Variants in TTC3 observed in about 807,000 individuals in gnomAD.
TTC3 encodes the protein E3 ubiquitin-protein ligase TTC3.
In TTC3, 180 loss-of-function variants were observed where a neutral mutation model predicts 249.6. That is an observed-to-expected ratio of 0.72 (90% CI 0.64 to 0.82). TTC3 has a LOEUF of 0.82. Ranked by LOEUF, TTC3 falls within the 40% of genes least tolerant of loss-of-function variation. The pLI, the probability that TTC3 is intolerant of heterozygous loss-of-function variation, is 0.00. For missense variants in TTC3, 2,061 were observed against 2,398.4 expected (o/e 0.86, Z 2.94); for synonymous variants, 717 against 805.0 (o/e 0.89, Z 1.85).
At chr21:37,139,212 A>G (rs2078214571) in intron 19 of TTC3, among the ~76,000 whole-genome samples, 1 of 152,090 alleles carries the variant, frequency 6.6e-6, no homozygotes, top group African/African-American at 2.4e-5. Flanking sequence ...TCCTAGAAAA[A>G]CAAAGGTAAC....
At chr21:37,151,020 G>T in intron 25 of TTC3, 136 bp downstream of exon 25, 1 of 547,000 alleles carries the variant, frequency 1.8e-6, no homozygotes, top group Non-Finnish European at 3.1e-6. Context: ...TTTTTAAAAT[G>T]ATTTTTATGG....
intron 1 of TTC3, chr21:37,082,715 T>G (rs34672903): frequency 0.21 from 155,484 of 737,652 alleles, 12,489 homozygotes; most frequent in African/African-American, 0.35. Context: ...CCAAAAAGTG[T>G]TTTTTTTTTT....
chr21:37,117,850 A>AG (rs1200083688), intron 11 of TTC3, among the ~76,000 whole-genome samples: 7 of 149,880 alleles, frequency 4.7e-5, no homozygotes, highest in African/African-American at 7.5e-5. Context: ...AAAAAAAAAA[A>AG]AAAGAAAAAA....
intron 42 of TTC3, among the ~76,000 whole-genome samples, chr21:37,197,043 G>A (rs2084988626): frequency 6.6e-6 from 1 of 152,226 alleles, no homozygotes; most frequent in African/African-American, 2.4e-5. Context: ...TGTCTCTGAA[G>A]TGCAGCTCGG....
intron 35 of TTC3, among the ~76,000 whole-genome samples, chr21:37,179,514 G>C (rs774294187): frequency 6.6e-6 from 1 of 152,112 alleles, no homozygotes; most frequent in African/African-American, 2.4e-5. Flanking sequence ...TGTGCCTTTG[G>C]TGTCATAGCT....
intron 5 of TTC3, 86 bp from the exon 6 acceptor site, chr21:37,090,147 C>A: frequency 1.0e-6 from 1 of 955,982 alleles, no homozygotes; most frequent in South Asian, 1.5e-5. Context: ...TAGTAGTGTT[C>A]CTAAAATGTA....
At chr21:37,158,881 C>T (rs942097231) in intron 28 of TTC3, among the ~76,000 whole-genome samples, 1 of 152,144 alleles carries the variant, frequency 6.6e-6, no homozygotes, top group Non-Finnish European at 1.5e-5. Context: ...GAGGCCAAGA[C>T]CTTAGTTGTC....
At chr21:37,171,755 A>T (rs182367032) in intron 34 of TTC3, among the ~76,000 whole-genome samples, 115 of 152,350 alleles carry the variant, frequency 7.5e-4, no homozygotes, top group African/African-American at 2.7e-3. Context: ...AAGGGCATGT[A>T]TGGTCAATCT....
At chr21:37,185,588 A>T (rs1025014124) in intron 36 of TTC3, 118 bp from the exon 37 acceptor site, 5 of 491,032 alleles carry the variant, frequency 1.0e-5, no homozygotes, top group Non-Finnish European at 1.7e-5. Flanking sequence ...AAAATGTAAA[A>T]ATATATATAT....
At chr21:37,157,248 A>G in intron 28 of TTC3, 3 of 1,233,434 alleles carry the variant, frequency 2.4e-6, no homozygotes, top group Non-Finnish European at 3.2e-6. Context: ...TTTAGAAAAC[A>G]TTGGTCTGCA....
At chr21:37,073,315 G>GGCGGCGGCGGCGGCGGCT (rs71328547) in exon 1 of TTC3, 1 of 379,030 alleles carries the variant, frequency 2.6e-6, no homozygotes. Context: ...CGGCGGCGGC[G>GGCGGCGGCGGCGGCGGCT]GCTGCTGCTG....
At chr21:37,174,138 C>T (rs1164175345) in intron 35 of TTC3, among the ~76,000 whole-genome samples, 1 of 152,150 alleles carries the variant, frequency 6.6e-6, no homozygotes, top group Non-Finnish European at 1.5e-5. Flanking sequence ...ACTGTGTGTT[C>T]TGTGTGCACA....
At chr21:37,112,419 G>A (rs1317721311) in intron 11 of TTC3, among the ~76,000 whole-genome samples, 8 of 152,112 alleles carry the variant, frequency 5.3e-5, no homozygotes, top group Non-Finnish European at 7.3e-5. Context: ...ACACCTCTAC[G>A]CAAATAAACT....
In TTC3 at chr21:37,124,784, A is replaced by C. The variant is rs376118096; in HGVS notation, c.1233+42A>C. ...ACTACAGTTTTTTTCAAGGATAGAT[A>C]GTCTCATATTTTTACAGTAATATTT... On this transcript the variant is annotated intron_variant, in intron 14 of 45. Coordinates refer to ENST00000355666, the Ensembl canonical transcript of TTC3. 6.9e-6 allele frequency: 11 copies of C among 1,598,582 alleles called. No homozygotes were observed. The African/African-American group carries it at 1.5e-4, about 22-fold the overall frequency.
chr21:37,136,313 C>T (rs2077934192), intron 18 of TTC3, among the ~76,000 whole-genome samples: 1 of 152,136 alleles, frequency 6.6e-6, no homozygotes, highest in Non-Finnish European at 1.5e-5. Context: ...ATGTTGAAAG[C>T]CAAGACAGGC....
chr21:37,133,160 A>G (rs1400651773), intron 17 of TTC3, among the ~76,000 whole-genome samples: 1 of 152,192 alleles, frequency 6.6e-6, no homozygotes, highest in African/African-American at 2.4e-5. Flanking sequence ...TTAACTTTAA[A>G]TATTTTTAAA....
At chr21:37,117,848 A>AAAAAAAAAAAAAAAAAAAAAAAAG (rs1555876993) in intron 11 of TTC3, among the ~76,000 whole-genome samples, 1 of 150,634 alleles carries the variant, frequency 6.6e-6, no homozygotes, top group African/African-American at 2.4e-5. Flanking sequence ...AAAAAAAAAA[A>AAAAAAAAAAAAAAAAAAAAAAAAG]AAAAAGAAAA....
In TTC3 at chr21:37,140,077, T is replaced by C. The variant is rs1485459951; in HGVS notation, c.1660-484T>C. Among the ~76,000 whole-genome samples, 3 of 152,200 alleles carry C rather than the reference T, an allele frequency of 2.0e-5. No homozygotes were observed. The East Asian group carries it at 5.8e-4, about 29-fold the overall frequency. On this transcript the variant is annotated intron_variant, in intron 19 of 45. Coordinates refer to ENST00000355666, the Ensembl canonical transcript of TTC3. ...TCAAAAAAGAATGTACTCTAAGCTATGTTAAGTGTTTACTAATGGGCTGTT... is the reference window on the plus strand; with the variant it reads ...TCAAAAAAGAATGTACTCTAAGCTACGTTAAGTGTTTACTAATGGGCTGTT...
intron 26 of TTC3, 86 bp from the exon 27 acceptor site, chr21:37,152,865 T>C (rs1017385322): frequency 3.7e-6 from 4 of 1,084,706 alleles, no homozygotes; most frequent in Middle Eastern, 3.1e-4. Context: ...AATCATATTT[T>C]ATATTATGTA....
Sources: gnomAD v4.1 joint callset for allele counts (sites outside exome capture counted in the v4.1 genomes callset) on GRCh38, gnomAD v4.1.1 for gene constraint, MANE v1.5 for transcripts, NCBI Gene and HGNC (gene_info 2026-07-23, HGNC 2026-07-21) for gene names.